The following ATAD3B variants were observed in gnomAD, a reference collection of about 807,000 sequenced individuals.
ATAD3B encodes ATPase family AAA domain containing 3B.
In ATAD3B, 59 loss-of-function variants were observed where a neutral mutation model predicts 70.2. The observed-to-expected ratio is 0.84, with a 90% CI of 0.68 to 1.04. The LOEUF (loss-of-function observed/expected upper bound fraction) is 1.04. Among genes scored for constraint, ATAD3B ranks in the 50% least tolerant of loss-of-function variants. The pLI is 0.00. For synonymous variants in ATAD3B, 423 were observed against 388.6 expected, an observed-to-expected ratio of 1.09 and a Z score of -1.04; for missense variants, 961 against 913.4, an observed-to-expected ratio of 1.05 and a Z score of -0.67.
In ATAD3B at chr1:1,490,439, T is replaced by A. The variant is rs1223606732; in HGVS notation, c.1505+15T>A. ...GAAGGAAAACGGTGAGTGTCCCGCCTCACCCGGCCCCCAATCCAGGCACCA... is the reference window on the plus strand; with the variant it reads ...GAAGGAAAACGGTGAGTGTCCCGCCACACCCGGCCCCCAATCCAGGCACCA... On this transcript the variant is annotated intron_variant, in intron 14 of 15. Coordinates refer to ENST00000673477, the MANE Select transcript of ATAD3B (RefSeq NM_031921.6). 6.2e-7 allele frequency: 1 copy of A among 1,612,876 alleles called. No homozygotes were observed. The highest frequency in any genetic ancestry group is 1.3e-5 in the African/African-American group (1 of 75,030).
At chr1:1,486,338 G>A in intron 10 of ATAD3B, 103 bp downstream of exon 10, 2 of 1,599,692 alleles carry the variant, frequency 1.3e-6, no homozygotes, top group Middle Eastern at 2.0e-4. Context: ...CCCCCCTTAG[G>A]CCTTTGCCTA....
rs2100572216 is a variant in ATAD3B, at chr1:1,486,098, C to A, written c.964-12C>A. On this transcript the variant is annotated splice_polypyrimidine_tract_variant and intron_variant, in intron 9 of 15. Transcript: ENST00000673477. ...CAGAGTGTCTCCCCCAAACCCCCGTCTTCCCCGGCAGCCCAGCCTGGAAGC... is the reference window on the plus strand; with the variant it reads ...CAGAGTGTCTCCCCCAAACCCCCGTATTCCCCGGCAGCCCAGCCTGGAAGC... The A allele has an allele frequency of 1.2e-6, 2 of 1,613,006 alleles. No individual in the cohort carries two copies. Among genetic ancestry groups the A allele is most frequent in the East Asian group, 2.2e-5 (1 of 44,878 alleles).
At chr1:1,491,365 T>C (rs1334220217) in intron 15 of ATAD3B, among the ~76,000 whole-genome samples, 2 of 151,938 alleles carry the variant, frequency 1.3e-5, no homozygotes, top group Non-Finnish European at 2.9e-5. Context: ...ACCCCGTCTC[T>C]ACTAAAAATA....
At chr1:1,486,700 T>C (rs1434109849) in intron 11 of ATAD3B, 32 bp downstream of exon 11, 1 of 1,554,382 alleles carries the variant, frequency 6.4e-7, no homozygotes, top group East Asian at 2.3e-5. Flanking sequence ...CACCAGGCCC[T>C]TGGCTGCGGC....
At chr1:1,476,164 C>T (rs1355119486) in intron 1 of ATAD3B, among the ~76,000 whole-genome samples, 1 of 145,386 alleles carries the variant, frequency 6.9e-6, no homozygotes, top group Non-Finnish European at 1.5e-5. Flanking sequence ...CTGGGGCCCC[C>T]GAGGTTAGCT....
In ATAD3B at chr1:1,478,406, C is replaced by T. The variant is rs1279561708; in HGVS notation, c.283-238C>T. ...CAGCCTTGTGGGGTGGGGTTGGTGTCTGACCTCCCTCCCCGGGGGCCTTCG... is the reference window on the plus strand; with the variant it reads ...CAGCCTTGTGGGGTGGGGTTGGTGTTTGACCTCCCTCCCCGGGGGCCTTCG... On this transcript the variant is annotated intron_variant, in intron 2 of 15. Coordinates refer to ENST00000673477, the MANE Select transcript of ATAD3B (RefSeq NM_031921.6). 4.0e-5 allele frequency: 60 copies of T among 1,496,020 alleles called. No individual in the cohort carries two copies. The East Asian group carries it at 1.4e-3, about 34-fold the overall frequency. The allele number at this position is 1,496,020 out of a possible 1,614,324, so 92.7% of individuals were successfully genotyped here.
intron 11 of ATAD3B, among the ~76,000 whole-genome samples, 189 bp from the exon 12 acceptor site, chr1:1,487,674 A>G (rs530983508): frequency 1.1e-4 from 16 of 152,002 alleles, no homozygotes; most frequent in African/African-American, 3.4e-4. Context: ...TCTGAGGCTG[A>G]GACGTGGTCA....
intron 15 of ATAD3B, among the ~76,000 whole-genome samples, chr1:1,491,797 A>G (rs532290893): frequency 1.3e-5 from 2 of 152,038 alleles, no homozygotes; most frequent in African/African-American, 2.4e-5. Flanking sequence ...CGCTGTGACA[A>G]AGAGTCCCAG....
At chr1:1,498,994 C>G (rs183870600), downstream of ATAD3B, among the ~76,000 whole-genome samples, 2 of 147,292 alleles carry the variant, frequency 1.4e-5, no homozygotes, top group African/African-American at 2.5e-5. Context: ...CTTTTTGAGA[C>G]AGAGTCTCAT....
intron 1 of ATAD3B, among the ~76,000 whole-genome samples, chr1:1,474,343 G>T (rs1413655325): frequency 7.1e-6 from 1 of 140,220 alleles, no homozygotes; most frequent in Non-Finnish European, 1.5e-5. Context: ...AGTGCCCGCC[G>T]CCACGCCCGG....
Position 1,490,433 on chromosome 1 carries a change from CCCG to C in ATAD3B, c.1505+12_1505+14del, listed in dbSNP as rs1216667226. 1 of 1,612,906 alleles carries C rather than the reference CCCG, an allele frequency of 6.2e-7. No individual in the cohort carries two copies. Among genetic ancestry groups the C allele is most frequent in the Non-Finnish European group, 8.5e-7 (1 of 1,179,486 alleles). ...GCCACAGAAGGAAAACGGTGAGTGTCCCGCCTCACCCGGCCCCCAATCCAGGCA... is the reference window on the plus strand; with the variant it reads ...GCCACAGAAGGAAAACGGTGAGTGTCCCTCACCCGGCCCCCAATCCAGGCA... On this transcript the variant is annotated intron_variant, in intron 14 of 15. Transcript: ENST00000673477.
rs556915601 is a variant in ATAD3B at position 1,473,594 on chromosome 1, C to T, written c.205+1505C>T. On this transcript the variant is annotated intron_variant, in intron 1 of 15. Coordinates refer to ENST00000673477, the MANE Select transcript of ATAD3B (RefSeq NM_031921.6). ...CACTGCAAACCGCAACGCCCTGGTT[C>T]AAAGAATTCTGCTGCCTCAGCCTCC... is the stretch of plus-strand genomic sequence containing the variant. Among the ~76,000 whole-genome samples, 6 of 151,392 alleles carry T rather than the reference C, an allele frequency of 4.0e-5. No individual in the cohort carries two copies. In the South Asian group the frequency reaches 8.4e-4, roughly 21 times the overall value.
chr1:1,484,737 T>C lies in ATAD3B; in HGVS notation c.751-279T>C, dbSNP rs565891874. 18 of 744,190 alleles carry C rather than the reference T, an allele frequency of 2.4e-5. No individual in the cohort carries two copies. In the East Asian group the frequency reaches 5.7e-4, roughly 24 times the overall value. 46.1% of individuals were successfully genotyped at this position (744,190 alleles called of 1,614,324 possible). On this transcript the variant is annotated intron_variant, in intron 7 of 15. Coordinates refer to ENST00000673477, the MANE Select transcript of ATAD3B (RefSeq NM_031921.6). ...TGGCCCTGTGACATCCAGCTGGGTC[T>C]GCCCAGGGCCCCGCTCAGCGACCGA...
At chr1:1,480,033 G>A (rs564335069) in intron 4 of ATAD3B, among the ~76,000 whole-genome samples, 4 of 140,664 alleles carry the variant, frequency 2.8e-5, no homozygotes, top group East Asian at 4.4e-4. Flanking sequence ...CACAACCCAG[G>A]CACACACCCC....
chr1:1,483,037 G>A (rs1232575828), intron 7 of ATAD3B: 2 of 456,238 alleles, frequency 4.4e-6, no homozygotes, highest in Non-Finnish European at 8.8e-6. Flanking sequence ...GCTCAGGCCT[G>A]TAATCCCAGC....
At position 1,477,295 on chromosome 1, in the gene ATAD3B, A is replaced by G. The variant is rs773658122; in HGVS notation, c.227A>G (p.Asn76Ser). 1 of 1,612,302 alleles carries G rather than the reference A, an allele frequency of 6.2e-7. No homozygotes were observed. Among genetic ancestry groups the G allele is most frequent in the African/African-American group, 1.3e-5 (1 of 74,896 alleles). ...EHSRYAKEAL[N>S]LAQMQEQTLQ... ...GCAGGTTACGCCAAGGAGGCCCTGA[A>G]TCTGGCGCAGATGCAGGAGCAGACG... Residue 76 changes from asparagine to serine, a missense_variant, in exon 2 of 16, where the codon AAT (asparagine) becomes AGT (serine). By Grantham distance (46) the Asn-to-Ser change is conservative. Coordinates refer to ENST00000673477, the MANE Select transcript of ATAD3B (RefSeq NM_031921.6).
intron 7 of ATAD3B, chr1:1,484,218 A>G (rs1262981797): frequency 6.6e-6 from 1 of 151,606 alleles, no homozygotes; most frequent in African/African-American, 2.4e-5. Flanking sequence ...CTCACTTTCA[A>G]GTGTGCTGCT....
intron 1 of ATAD3B, among the ~76,000 whole-genome samples, chr1:1,476,658 G>A (rs1262611562): frequency 2.0e-5 from 3 of 150,628 alleles, no homozygotes; most frequent in Admixed American, 6.6e-5. Flanking sequence ...ACAAGTGCCC[G>A]CCGCCACGCC....
At chr1:1,508,006 C>T in the ATAD3B span, among the ~76,000 whole-genome samples, 2 of 152,200 alleles carry the variant, frequency 1.3e-5, no homozygotes, top group Non-Finnish European at 2.9e-5. Flanking sequence ...TGGGCTCCTG[C>T]CAGGTCCCGT....
Sources: allele counts gnomAD v4.1 joint callset (sites outside exome capture counted in the v4.1 genomes callset), GRCh38; gene constraint gnomAD v4.1.1; transcripts MANE v1.5; gene names NCBI Gene and HGNC (gene_info 2026-07-23, HGNC 2026-07-21).